The following EPB41L2 variants were observed in gnomAD, a reference collection of about 807,000 sequenced individuals.
The protein encoded by EPB41L2 is band 4.1-like protein 2.
EPB41L2 carries 43 observed loss-of-function variants against 113.0 expected under a neutral mutation model. The ratio of observed to expected loss-of-function variants is 0.38; its 90% CI spans 0.30 to 0.49. The LOEUF (loss-of-function observed/expected upper bound fraction) is 0.49. Ranked by LOEUF, EPB41L2 falls within the 20% of genes least tolerant of loss-of-function variation. The probability of loss-of-function intolerance (pLI) is 0.95; values close to 1 mark genes in which losing one functional copy is unlikely to be tolerated. For synonymous variants in EPB41L2, 442 were observed against 436.7 expected, an observed-to-expected ratio of 1.01 and a Z score of -0.15; for missense variants, 1,147 against 1,223.4, an observed-to-expected ratio of 0.94 and a Z score of 0.93.
intron 14 of EPB41L2, among the ~76,000 whole-genome samples, chr6:130,871,615 T>C (rs1390129299): frequency 6.6e-6 from 1 of 152,192 alleles, no homozygotes; most frequent in African/African-American, 2.4e-5. Flanking sequence ...ACCTGCCCTA[T>C]TATTCTTAAA....
chr6:130,953,831 G>A (rs1167604345), intron 3 of EPB41L2, among the ~76,000 whole-genome samples: 2 of 151,974 alleles, frequency 1.3e-5, no homozygotes, highest in South Asian at 4.2e-4. Context: ...ATCCAGAAAG[G>A]AGGGGCCATC....
chr6:130,853,271 A>T (rs750209577), intron 19 of EPB41L2, among the ~76,000 whole-genome samples: 2 of 152,144 alleles, frequency 1.3e-5, no homozygotes, highest in Non-Finnish European at 2.9e-5. Context: ...CCTGACATCA[A>T]TTATTACTCT....
In EPB41L2 at chr6:130,908,573, T is replaced by A. The variant is rs537267769; in HGVS notation, c.853+248A>T. Among the ~76,000 whole-genome samples, 207 of 152,214 alleles carry A rather than the reference T, an allele frequency of 1.4e-3. 1 individual carries two copies. The highest frequency in any genetic ancestry group is 4.9e-3 in the African/African-American group (204 of 41,548). On this transcript the variant is annotated intron_variant, in intron 5 of 19. Transcript: ENST00000337057. ...TTCTCTTTCTTTCCCAGAAAAAAAA[T>A]GTCAGATGTTACTTGGTAGGACATT...
At chr6:130,844,240 T>C (rs115127842) in intron 19 of EPB41L2, among the ~76,000 whole-genome samples, 1,735 of 152,276 alleles carry the variant, frequency 0.011, 42 homozygotes, top group African/African-American at 0.039. Flanking sequence ...AGCAATAACA[T>C]AATCAAATAT....
At chr6:131,062,113 G>A (rs950628705) in intron 1 of EPB41L2, among the ~76,000 whole-genome samples, 2 of 151,996 alleles carry the variant, frequency 1.3e-5, no homozygotes, top group Admixed American at 6.6e-5. Context: ...GGGTCCGTAG[G>A]GAGGGCTCCA....
At chr6:130,891,362 A>T (rs2128481319) in intron 10 of EPB41L2, among the ~76,000 whole-genome samples, 1 of 152,236 alleles carries the variant, frequency 6.6e-6, no homozygotes, top group East Asian at 1.9e-4. Flanking sequence ...CCTGTACAAC[A>T]CTCAGAATGG....
chr6:130,957,268 C>T (rs1385472860), intron 1 of EPB41L2, among the ~76,000 whole-genome samples: 3 of 152,136 alleles, frequency 2.0e-5, no homozygotes, highest in Admixed American at 6.6e-5. Context: ...ATGCATCTGA[C>T]GATTGTTCTT....
rs57192575 is a variant in EPB41L2, at chr6:130,894,511, C to G, written c.1390-70G>C. The G allele has an allele frequency of 5.5e-3, 7,356 of 1,343,670 alleles. 339 individuals are homozygous for G. The African/African-American group carries it at 0.092, about 17-fold the overall frequency. 83.2% of individuals were successfully genotyped at this position (1,343,670 alleles called of 1,614,324 possible). A position where few individuals can be genotyped will look rare whatever the true frequency, so the allele number is the denominator to read the frequency against. ...TGACTAGAAGTTACTGAAAAGCATG[C>G]ATTCAGATGTTTCTGTGAGAAGCAA... is the stretch of plus-strand genomic sequence containing the variant. On this transcript the variant is annotated intron_variant, in intron 9 of 19. Transcript: ENST00000337057.
chr6:130,931,354 A>T (rs1583579375), intron 3 of EPB41L2, among the ~76,000 whole-genome samples: 1 of 152,288 alleles, frequency 6.6e-6, no homozygotes, highest in East Asian at 1.9e-4. Context: ...AATGAAACAT[A>T]AGCTAGGGAA....
At chr6:131,016,228 C>T (rs1004458675) in intron 1 of EPB41L2, among the ~76,000 whole-genome samples, 7 of 152,046 alleles carry the variant, frequency 4.6e-5, no homozygotes, top group Non-Finnish European at 8.8e-5. Flanking sequence ...CCTTTTCCAG[C>T]AAAATTATTC....
intron 19 of EPB41L2, among the ~76,000 whole-genome samples, chr6:130,841,957 G>A (rs983102418): frequency 2.0e-5 from 3 of 152,148 alleles, no homozygotes; most frequent in African/African-American, 4.8e-5. Flanking sequence ...AAGAGAAAAG[G>A]GTTTTAAGGT....
At chr6:130,896,950 C>G (rs1031384348) in intron 8 of EPB41L2, among the ~76,000 whole-genome samples, 1 of 152,092 alleles carries the variant, frequency 6.6e-6, no homozygotes, top group South Asian at 2.1e-4. Flanking sequence ...TCCCTCCCTA[C>G]GTGGTCACCT....
chr6:130,947,188 T>C (rs1813224345), intron 3 of EPB41L2, among the ~76,000 whole-genome samples: 1 of 152,116 alleles, frequency 6.6e-6, no homozygotes, highest in Non-Finnish European at 1.5e-5. Context: ...CTTCTCATCC[T>C]GGCATTTGAG....
At chr6:130,896,965 C>T (rs2128490540) in intron 8 of EPB41L2, among the ~76,000 whole-genome samples, 1 of 152,218 alleles carries the variant, frequency 6.6e-6, no homozygotes, top group South Asian at 2.1e-4. Flanking sequence ...TCACCTCAGG[C>T]TGACTATGTC....
chr6:130,849,890 C>T (rs764682885), intron 19 of EPB41L2, among the ~76,000 whole-genome samples: 4 of 152,106 alleles, frequency 2.6e-5, no homozygotes, highest in East Asian at 1.9e-4. Flanking sequence ...CTGCTAGTGG[C>T]GGTCTATGTT....
In EPB41L2 at chr6:130,958,468, CAAA is replaced by C. The variant is rs200548809; in HGVS notation, c.-14-1972_-14-1970del. On this transcript the variant is annotated intron_variant, in intron 1 of 19. Transcript: ENST00000337057. ...CCCTGTCTCAAAACAACAACAACAA[CAAA>C]AAAAAAAAAAAAAAAAAGCAAAGGA... is the stretch of plus-strand genomic sequence containing the variant. 6.9e-4 allele frequency among the ~76,000 whole-genome samples: 79 copies of C among 113,916 alleles called. No homozygotes were observed. In the South Asian group the frequency reaches 0.022, roughly 32 times the overall value. The allele number at this position is 113,916 out of a possible 152,430, so 74.7% of individuals were successfully genotyped here.
In EPB41L2 at chr6:130,967,470, A is replaced by T. The variant is rs565220564; in HGVS notation, c.-14-10971T>A. On this transcript the variant is annotated intron_variant, in intron 1 of 19. Coordinates refer to ENST00000337057, the MANE Select transcript of EPB41L2 (RefSeq NM_001431.4). ...CAATAATACCGGTGCATATGCAGGC[A>T]GCGTAAAAAGATTATTCGTATTCTC... Among the ~76,000 whole-genome samples, 1,303 of 152,318 alleles carry T rather than the reference A, an allele frequency of 8.6e-3. 9 individuals are homozygous for T. Among genetic ancestry groups the T allele is most frequent in the South Asian group, 0.02 (97 of 4,820 alleles).
chr6:131,000,493 A>T (rs78553678), intron 1 of EPB41L2: 5 of 152,354 alleles, frequency 3.3e-5, no homozygotes, highest in Non-Finnish European at 7.3e-5. Flanking sequence ...ACCATACATC[A>T]ACGGGTTAAT....
intron 1 of EPB41L2, among the ~76,000 whole-genome samples, chr6:131,060,247 T>C (rs577368720): frequency 6.6e-6 from 1 of 152,356 alleles, no homozygotes; most frequent in African/African-American, 2.4e-5. Flanking sequence ...ATATAAAATA[T>C]AAACCCTATA....
Sources: gnomAD v4.1 joint callset for allele counts (sites outside exome capture counted in the v4.1 genomes callset) on GRCh38, gnomAD v4.1.1 for gene constraint, MANE v1.5 for transcripts, NCBI Gene and HGNC (gene_info 2026-07-23, HGNC 2026-07-21) for gene names.